Variants in SATL1 observed in about 807,000 individuals in gnomAD.
SATL1 encodes spermidine/spermine N1-acetyl transferase like 1.
Under a neutral mutation model 51.8 loss-of-function variants are expected in SATL1, and 47 were observed. That is an observed-to-expected ratio of 0.91 (90% CI 0.72 to 1.16). SATL1 has a LOEUF of 1.16. Among genes scored for constraint, SATL1 ranks in the 50% most tolerant of loss-of-function variants. SATL1 has a pLI of 0.00. For missense variants in SATL1, 520 were observed against 526.4 expected (o/e 0.99, Z 0.12); for synonymous variants, 176 against 182.4 (o/e 0.97, Z 0.28).
intron 2 of SATL1, among the ~76,000 whole-genome samples, chrX:85,202,499 A>G (rs773221556): frequency 8.1e-5 from 9 of 111,364 alleles, no homozygotes; most frequent in Admixed American, 5.7e-4. Flanking sequence ...AGTGCTGGCT[A>G]TAGTTTGTGA....
Position 85,092,307 on chromosome X carries a change from T to A in SATL1, c.*84A>T. ...AATGTGATGATCACTTGCTGTATTG[T>A]ACAACAAAGTCAAACTGCTGTTAGA... On this transcript the variant is annotated 3_prime_UTR_variant, in exon 8 of 8. Coordinates refer to ENST00000644105, the MANE Select transcript of SATL1 (RefSeq NM_001367857.2). 3.0e-6 allele frequency: 3 copies of A among 1,013,935 alleles called. No individual in the cohort carries two copies. The highest frequency in any genetic ancestry group is 1.9e-5 in the African/African-American group (1 of 52,539). 83.6% of individuals were successfully genotyped at this position (1,013,935 alleles called of 1,213,427 possible). A position where few individuals can be genotyped will look rare whatever the true frequency, so the allele number is the denominator to read the frequency against.
intron 1 of SATL1, among the ~76,000 whole-genome samples, chrX:85,241,837 A>G (rs1928602193): frequency 8.9e-6 from 1 of 112,119 alleles, no homozygotes; most frequent in Non-Finnish European, 1.9e-5. Context: ...AAGTCAGGAG[A>G]CTATTACTAC....
In SATL1 at chrX:85,211,812, A is replaced by G. The variant is rs1417210347; in HGVS notation, c.-313+12393T>C. The G allele has an allele frequency of 3.6e-5, 4 of 112,002 alleles. No individual in the cohort carries two copies. In the East Asian group the frequency reaches 1.1e-3, roughly 32 times the overall value. 9.2% of individuals were successfully genotyped at this position (112,002 alleles called of 1,213,427 possible). On this transcript the variant is annotated intron_variant, in intron 2 of 7. Coordinates refer to ENST00000644105, the MANE Select transcript of SATL1 (RefSeq NM_001367857.2). ...AGATAGAAATAGAAAGAGACTTGCT[A>G]TGTGGTCAATATAATATATAAACAT...
Position 85,133,667 on chromosome X carries a change from G to A in SATL1, c.-312-24387C>T, listed in dbSNP as rs375756037. On this transcript the variant is annotated intron_variant, in intron 2 of 7. Coordinates refer to ENST00000644105, the MANE Select transcript of SATL1 (RefSeq NM_001367857.2). ...CTTCTGTGGGCTGCACCCACTGTCC[G>A]ACCAGTCCCAATGAGATGAACCAGG... 1.2e-4 allele frequency among the ~76,000 whole-genome samples: 13 copies of A among 111,326 alleles called. No homozygotes were observed. The East Asian group carries it at 2.3e-3, about 20-fold the overall frequency.
At chrX:85,169,072 G>T (rs1926912549) in intron 2 of SATL1, among the ~76,000 whole-genome samples, 1 of 112,271 alleles carries the variant, frequency 8.9e-6, no homozygotes, top group Admixed American at 9.5e-5. Flanking sequence ...CTAGCCACAT[G>T]CAGAAGACTA....
intron 2 of SATL1, among the ~76,000 whole-genome samples, chrX:85,215,909 G>A (rs1248238334): frequency 2.7e-5 from 3 of 112,025 alleles, no homozygotes. Flanking sequence ...ACATTTTCAG[G>A]TATCTTTATA....
chrX:85,191,113 TATA>T (rs200953292), intron 2 of SATL1, among the ~76,000 whole-genome samples: 11,683 of 108,779 alleles, frequency 0.11, 563 homozygotes, highest in South Asian at 0.16. Flanking sequence ...GAACTTAAAG[TATA>T]ATAATAATAA....
intron 2 of SATL1, among the ~76,000 whole-genome samples, chrX:85,131,057 T>C (rs1424490343): frequency 8.9e-6 from 1 of 111,885 alleles, no homozygotes; most frequent in Non-Finnish European, 1.9e-5. Context: ...GAGGAGTGCT[T>C]TACTTCCAAC....
intron 2 of SATL1, among the ~76,000 whole-genome samples, chrX:85,128,920 T>C (rs1037999593): frequency 2.7e-5 from 3 of 112,254 alleles, no homozygotes; most frequent in African/African-American, 9.7e-5. Flanking sequence ...TCCCCATTTC[T>C]TATTTTTGTC....
At chrX:85,226,984 C>T (rs184343799) in intron 1 of SATL1, among the ~76,000 whole-genome samples, 98 of 111,401 alleles carry the variant, frequency 8.8e-4, no homozygotes, top group African/African-American at 3.1e-3. Flanking sequence ...TTGTATATGT[C>T]CTGAATATTC....
At chrX:85,187,077 T>G (rs1346396007) in intron 2 of SATL1, among the ~76,000 whole-genome samples, 1 of 112,274 alleles carries the variant, frequency 8.9e-6, no homozygotes, top group East Asian at 2.8e-4. Flanking sequence ...TTTGATTTAT[T>G]CCTAAATATT....
chrX:85,149,919 G>A (rs1926375721), intron 2 of SATL1, among the ~76,000 whole-genome samples: 2 of 111,242 alleles, frequency 1.8e-5, no homozygotes, highest in Non-Finnish European at 3.8e-5. Context: ...AAAAGCAAGA[G>A]CGAACACATT....
At chrX:85,220,338 T>C (rs1928145174) in intron 2 of SATL1, among the ~76,000 whole-genome samples, 1 of 109,389 alleles carries the variant, frequency 9.1e-6, no homozygotes. Context: ...CCACAGGGAC[T>C]ACAACTCTTA....
chrX:85,180,674 C>T (rs556936655), intron 2 of SATL1, among the ~76,000 whole-genome samples: 1 of 110,698 alleles, frequency 9.0e-6, no homozygotes, highest in East Asian at 2.9e-4. Context: ...AATTTGATTC[C>T]TGTTACAAAT....
At chrX:85,200,032 G>A (rs927221666) in intron 2 of SATL1, among the ~76,000 whole-genome samples, 4 of 111,777 alleles carry the variant, frequency 3.6e-5, no homozygotes, top group African/African-American at 1.3e-4. Flanking sequence ...ATTATTACAC[G>A]TTGTATGCCT....
Position 85,094,560 on chromosome X carries a change from A to T in SATL1, c.1775-331T>A, listed in dbSNP as rs759818082. Among the ~76,000 whole-genome samples, 264 of 111,120 alleles carry T rather than the reference A, an allele frequency of 2.4e-3. 2 individuals are homozygous for T. The highest frequency in any genetic ancestry group is 0.014 in the Middle Eastern group (3 of 212). On this transcript the variant is annotated intron_variant, in intron 5 of 7. Transcript: ENST00000644105. ...GGAGTTTGAGACCAGTCTGGGCAAC[A>T]TAGTGACACCCTGTCTCTACAAAAA...
chrX:85,148,372 C>A (rs1293946379), intron 2 of SATL1, among the ~76,000 whole-genome samples: 1 of 109,516 alleles, frequency 9.1e-6, no homozygotes, highest in Non-Finnish European at 1.9e-5. Context: ...GAGAATGGAA[C>A]CAAGTTGGAA....
At chrX:85,228,276 T>C (rs781378679) in intron 1 of SATL1, among the ~76,000 whole-genome samples, 3 of 111,352 alleles carry the variant, frequency 2.7e-5, no homozygotes, top group Non-Finnish European at 5.7e-5. Flanking sequence ...CTCCTTCATT[T>C]GTGTACTAGA....
chrX:85,235,305 A>G (rs1252790239), intron 1 of SATL1, among the ~76,000 whole-genome samples: 2 of 111,017 alleles, frequency 1.8e-5, no homozygotes, highest in East Asian at 5.6e-4. Flanking sequence ...CATCCGTACA[A>G]AAAATCAACA....
Sources: gnomAD v4.1 joint callset for allele counts (sites outside exome capture counted in the v4.1 genomes callset) on GRCh38, gnomAD v4.1.1 for gene constraint, MANE v1.5 for transcripts, NCBI Gene and HGNC (gene_info 2026-07-23, HGNC 2026-07-21) for gene names.